The following KNTC1 variants were observed in gnomAD, a reference collection of about 807,000 sequenced individuals.
KNTC1 encodes kinetochore-associated protein 1.
In KNTC1, 253 loss-of-function variants were observed where a neutral mutation model predicts 314.4. That is an observed-to-expected ratio of 0.80 (90% CI 0.73 to 0.89). The LOEUF (loss-of-function observed/expected upper bound fraction) is 0.89, where lower values mean the gene tolerates loss of function less well. Ranked by LOEUF, KNTC1 falls within the 40% of genes least tolerant of loss-of-function variation. KNTC1 has a pLI of 0.00. For missense variants in KNTC1, 2,475 were observed against 2,572.9 expected, an observed-to-expected ratio of 0.96 and a Z score of 0.82; for synonymous variants, 901 against 901.4, an observed-to-expected ratio of 1.00 and a Z score of 0.01.
intron 7 of KNTC1, among the ~76,000 whole-genome samples, 159 bp downstream of exon 7, chr12:122,543,793 G>A (rs897315814): frequency 2.0e-5 from 3 of 151,994 alleles, no homozygotes; most frequent in Admixed American, 6.6e-5. Context: ...ATTTATGCCC[G>A]TAATCCCAGC....
At chr12:122,536,966 G>A (rs186001819) in intron 3 of KNTC1, among the ~76,000 whole-genome samples, 2 of 152,308 alleles carry the variant, frequency 1.3e-5, no homozygotes, top group Admixed American at 6.5e-5. Context: ...GAACCTTGAC[G>A]TATTGACCCT....
chr12:122,616,419 C>T (rs920715672), intron 57 of KNTC1, among the ~76,000 whole-genome samples: 1 of 152,082 alleles, frequency 6.6e-6, no homozygotes, highest in African/African-American at 2.4e-5. Context: ...CATGCCGCCA[C>T]GCCCTGCTAA....
At chr12:122,559,458 T>C (rs1386319129) in intron 18 of KNTC1, among the ~76,000 whole-genome samples, 6 of 152,248 alleles carry the variant, frequency 3.9e-5, no homozygotes, top group African/African-American at 1.4e-4. Flanking sequence ...CACGTTTTGT[T>C]TCTCCATTTA....
Position 122,547,424 on chromosome 12 carries a change from A to T in KNTC1, c.826A>T (p.Ser276Cys). 1 of 1,602,606 alleles carries T rather than the reference A, an allele frequency of 6.2e-7. No individual in the cohort carries two copies. Among genetic ancestry groups the T allele is most frequent in the Non-Finnish European group, 8.5e-7 (1 of 1,170,152 alleles). ...AATGTCTCTATTGCAGAACGTGCTG[A>T]GTTTATGGGATATTTACACTCTAAC... ...LFVLDTDNVL[S>C]LWDIYTLTPV... Residue 276 changes from serine (S) to cysteine (C), a missense_variant, in exon 11 of 64, where the codon AGT (serine) becomes TGT (cysteine). By Grantham distance (112) the Ser-to-Cys change is moderately radical. Transcript: ENST00000333479.
intron 55 of KNTC1, 65 bp downstream of exon 55, chr12:122,613,826 C>G (rs1873450598): frequency 1.4e-6 from 2 of 1,462,530 alleles, no homozygotes; most frequent in Non-Finnish European, 1.8e-6. Context: ...AAAGAGAAAA[C>G]CAGGAACAGT....
chr12:122,616,600 C>CATATCTACAGTGT (rs1353204836), intron 57 of KNTC1, among the ~76,000 whole-genome samples: 1 of 152,134 alleles, frequency 6.6e-6, no homozygotes, highest in Non-Finnish European at 1.5e-5. Flanking sequence ...TATGTGTGTG[C>CATATCTACAGTGT]ATATCTACAG....
chr12:122,592,139 C>T (rs1404000039), intron 42 of KNTC1, among the ~76,000 whole-genome samples: 1 of 152,216 alleles, frequency 6.6e-6, no homozygotes, highest in Admixed American at 6.5e-5. Context: ...GCCCTGCCGG[C>T]CCCGGGCAGT....
In KNTC1 at chr12:122,557,686, C is replaced by T. The variant is rs1323611323; in HGVS notation, c.1485C>T (p.Thr495=). The change falls in exon 18 of 64, where the codon ACC becomes ACT. Residue 495 remains threonine, a synonymous_variant. Transcript: ENST00000333479. ...TTQEMLNYAK[T]RLLKKEDKTA... The stretch of plus-strand genomic sequence containing the variant: ...AAGAGATGCTGAATTATGCCAAAAC[C>T]AGGGTAGGTTCGTTTTTTTGTATTT... 1.2e-6 allele frequency: 2 copies of T among 1,611,434 alleles called. No homozygotes were observed. The highest frequency in any genetic ancestry group is 1.7e-6 in the Non-Finnish European group (2 of 1,178,614).
Position 122,580,616 on chromosome 12 carries a change from G to T in KNTC1, c.2928G>T (p.Lys976Asn). Residue 976 changes from lysine (K) to asparagine (N), a missense_variant, in exon 33 of 64, where the codon AAG becomes AAT. By Grantham distance (94) the Lys-to-Asn change is moderately conservative. Transcript: ENST00000333479. ...LCDIQKDNLQ[K>N]KDECEEMLKL... ...ATTTAATTACAGACAATCTGCAGAA[G>T]AAGGACGAATGTGAAGAAATGTTGA... 6.4e-7 allele frequency: 1 copy of T among 1,566,060 alleles called. No homozygotes were observed. The highest frequency in any genetic ancestry group is 1.7e-4 in the Middle Eastern group (1 of 5,998).
intron 38 of KNTC1, 53 bp downstream of exon 38, chr12:122,586,810 A>G: frequency 1.7e-6 from 1 of 595,068 alleles, no homozygotes. Flanking sequence ...TTATTTATTT[A>G]TTTATTTATT....
At chr12:122,582,169 C>T (rs372798788) in intron 33 of KNTC1, among the ~76,000 whole-genome samples, 4 of 152,104 alleles carry the variant, frequency 2.6e-5, no homozygotes, top group Admixed American at 2.0e-4. Context: ...GTAATCCCAA[C>T]GCTTTGGGAG....
rs1425128748 is a variant in KNTC1 at position 122,604,923 on chromosome 12, T to G, written c.5222T>G (p.Ile1741Ser). Residue 1741 changes from isoleucine to serine, a missense_variant, in exon 50 of 64, where the codon ATC (isoleucine) becomes AGC (serine). By Grantham distance (142) the Ile-to-Ser change is moderately radical. Transcript: ENST00000333479. ...KAEALLKKLH[I>S]QYRRSGTEAV... ...GAGGCTTTGTTGAAGAAGCTTCATA[T>G]CCAGTACCGGCGATCGGGCACAGAA... 1 of 1,610,374 alleles carries G rather than the reference T, an allele frequency of 6.2e-7. No individual in the cohort carries two copies. The highest frequency in any genetic ancestry group is 8.5e-7 in the Non-Finnish European group (1 of 1,178,258).
chr12:122,622,222 TAA>T (rs1874514386), intron 61 of KNTC1, among the ~76,000 whole-genome samples: 1 of 152,204 alleles, frequency 6.6e-6, no homozygotes, highest in Non-Finnish European at 1.5e-5. Flanking sequence ...TTCTTCCTCA[TAA>T]AAAGTCTCAA....
Position 122,603,231 on chromosome 12 carries a change from G to C in KNTC1, c.5089G>C (p.Asp1697His). 1 of 1,604,850 alleles carries C rather than the reference G, an allele frequency of 6.2e-7. No homozygotes were observed. The highest frequency in any genetic ancestry group is 8.5e-7 in the Non-Finnish European group (1 of 1,175,360). ...AVAIAISLAQ[D>H]IPEGSFKISA... ...AGCTATTGCCATCAGCCTTGCCCAGGATATCCCTGAAGGTATGAGCTCTTC... is the reference window on the plus strand; with the variant it reads ...AGCTATTGCCATCAGCCTTGCCCAGCATATCCCTGAAGGTATGAGCTCTTC... Residue 1697 changes from aspartate (D) to histidine (H), a missense_variant, in exon 48 of 64, where the codon GAT (aspartate) becomes CAT (histidine). Transcript: ENST00000333479.
chr12:122,554,076 A>ATAT (rs1555224817), intron 16 of KNTC1, among the ~76,000 whole-genome samples: 9,955 of 108,720 alleles, frequency 0.092, 541 homozygotes, highest in Middle Eastern at 0.21. Flanking sequence ...AAAAAAAAAA[A>ATAT]ATATATATAT....
Position 122,572,446 on chromosome 12 carries a change from T to C in KNTC1, c.2020-491T>C, listed in dbSNP as rs138685156. Among the ~76,000 whole-genome samples, 757 of 152,260 alleles carry C rather than the reference T, an allele frequency of 5.0e-3. 9 individuals carry two copies. Among genetic ancestry groups the C allele is most frequent in the African/African-American group, 0.018 (731 of 41,552 alleles). On this transcript the variant is annotated intron_variant, in intron 24 of 63. Transcript: ENST00000333479. Reference sequence around the variant, plus strand: ...ATTAAGTCTTGACAGTACATTAATATTAGTTTTCAAAGGTTGTGTCTGTCA... The same window carrying C: ...ATTAAGTCTTGACAGTACATTAATACTAGTTTTCAAAGGTTGTGTCTGTCA...
intron 48 of KNTC1, 107 bp downstream of exon 48, chr12:122,603,350 T>C (rs1309261835): frequency 3.0e-5 from 25 of 840,346 alleles, no homozygotes; most frequent in Non-Finnish European, 4.0e-5. Context: ...TTGCTTGCTC[T>C]CTTAACTGTG....
intron 40 of KNTC1, among the ~76,000 whole-genome samples, chr12:122,589,475 T>G (rs1397095334): frequency 1.3e-5 from 2 of 150,344 alleles, no homozygotes; most frequent in African/African-American, 4.9e-5. Flanking sequence ...AATTGTGTTT[T>G]TTTTTTTTTT....
At chr12:122,542,200 TTTTAAGTACTCTC>T in intron 6 of KNTC1, 73 bp downstream of exon 6, 5 of 1,017,830 alleles carry the variant, frequency 4.9e-6, no homozygotes, top group Non-Finnish European at 4.2e-6. Flanking sequence ...AATAGTAAAA[TTTTAAGTACTCTC>T]TTTAAGCTTA....
Sources: allele counts gnomAD v4.1 joint callset (sites outside exome capture counted in the v4.1 genomes callset), GRCh38; gene constraint gnomAD v4.1.1; transcripts MANE v1.5; gene names NCBI Gene and HGNC (gene_info 2026-07-23, HGNC 2026-07-21).